C2CD3: variants seen among roughly 807,000 people sequenced by gnomAD.
C2CD3 encodes the protein C2 domain containing 3 centriole elongation regulator, also known as C2 domain-containing protein 3.
Under a neutral mutation model 234.0 loss-of-function variants are expected in C2CD3, and 148 were observed. The ratio of observed to expected loss-of-function variants is 0.63; its 90% CI spans 0.55 to 0.72. The LOEUF is 0.72. Among genes scored for constraint, C2CD3 ranks in the 30% least tolerant of loss-of-function variants. The probability of loss-of-function intolerance (pLI) is 0.00; values close to 1 mark genes in which losing one functional copy is unlikely to be tolerated. For synonymous variants in C2CD3, 1,000 were observed against 1,035.4 expected (o/e 0.97, Z 0.66); for missense variants, 2,577 against 2,811.5 (o/e 0.92, Z 1.89).
chr11:74,155,490 T>C (rs2135562537), intron 3 of C2CD3, among the ~76,000 whole-genome samples: 1 of 152,152 alleles, frequency 6.6e-6, no homozygotes, highest in South Asian at 2.1e-4. Context: ...AGTCAAAAAG[T>C]CAAAACAATC....
At chr11:74,051,942 G>A (rs1252153084) in intron 26 of C2CD3, among the ~76,000 whole-genome samples, 1 of 152,086 alleles carries the variant, frequency 6.6e-6, no homozygotes, top group Non-Finnish European at 1.5e-5. Flanking sequence ...TACTAGATGT[G>A]TTGAGTTTGT....
chr11:74,013,198 T>C lies in C2CD3; in HGVS notation c.*187A>G. On this transcript the variant is annotated 3_prime_UTR_variant, in exon 33 of 33. Transcript: ENST00000334126. ...AGCTGAAATTCTGGCAAGTGGACAC[T>C]GGACTGGTTTGGGGCACTCCTCCAG... 2.6e-6 allele frequency: 1 copy of C among 377,542 alleles called. No homozygotes were observed. Among genetic ancestry groups the C allele is most frequent in the Non-Finnish European group, 4.7e-6 (1 of 213,394 alleles). 23.4% of individuals were successfully genotyped at this position (377,542 alleles called of 1,614,324 possible). A position where few individuals can be genotyped will look rare whatever the true frequency, so the allele number is the denominator to read the frequency against.
intron 13 of C2CD3, among the ~76,000 whole-genome samples, chr11:74,105,427 C>T (rs965821402): frequency 6.6e-6 from 1 of 152,092 alleles, no homozygotes; most frequent in African/African-American, 2.4e-5. Context: ...TGTGCCACCA[C>T]TCCTGGCTAA....
intron 22 of C2CD3, 98 bp from the exon 23 acceptor site, chr11:74,078,815 C>G: frequency 8.9e-7 from 1 of 1,129,510 alleles, no homozygotes; most frequent in East Asian, 2.6e-5. Context: ...CATCCTGGCT[C>G]AAGACAGAAC....
At chr11:74,098,313 T>G in intron 15 of C2CD3, 58 bp from the exon 16 acceptor site, 1 of 1,534,316 alleles carries the variant, frequency 6.5e-7, no homozygotes, top group Non-Finnish European at 8.9e-7. Context: ...GTCATAGAGT[T>G]ATTTCTTTCT....
chr11:74,021,834 T>C (rs1310984479), intron 32 of C2CD3, among the ~76,000 whole-genome samples: 3 of 152,038 alleles, frequency 2.0e-5, no homozygotes, highest in Non-Finnish European at 4.4e-5. Context: ...TGGTTAGAAA[T>C]AGTCGGGGGG....
chr11:74,082,470 G>C (rs553989907), intron 22 of C2CD3, among the ~76,000 whole-genome samples: 47 of 152,202 alleles, frequency 3.1e-4, no homozygotes, highest in Non-Finnish European at 5.6e-4. Flanking sequence ...TCCATCAATA[G>C]TTTATTGAGA....
rs771308257 is a variant in C2CD3, at chr11:74,139,613, G to A, written c.699C>T (p.Thr233=). 34 of 1,609,348 alleles carry A rather than the reference G, an allele frequency of 2.1e-5. No individual in the cohort carries two copies. The highest frequency in any genetic ancestry group is 2.7e-5 in the Non-Finnish European group (32 of 1,175,780). Residue 233 remains threonine, a synonymous_variant, in exon 4 of 33, where the codon ACC becomes ACT. Coordinates refer to ENST00000334126, the MANE Select transcript of C2CD3 (RefSeq NM_001286577.2). ...TTAGGTATGGTAATTACCTCGGAGT[G>A]GTTGATCTACTGCTGTTGGCTGCTA... is the stretch of plus-strand genomic sequence containing the variant. ...KELAANSSRS[T]TPRGKDHVCF...
At chr11:74,156,994 C>T (rs368409647) in intron 3 of C2CD3, among the ~76,000 whole-genome samples, 10 of 152,112 alleles carry the variant, frequency 6.6e-5, no homozygotes, top group African/African-American at 2.2e-4. Context: ...AGAAAACCCA[C>T]CTTACCTAGA....
intron 32 of C2CD3, among the ~76,000 whole-genome samples, chr11:74,024,108 T>C (rs1465640630): frequency 6.6e-6 from 1 of 152,170 alleles, no homozygotes; most frequent in Non-Finnish European, 1.5e-5. Flanking sequence ...CTATGAACAC[T>C]GTAATCAAAC....
rs770414250 is a variant in C2CD3 at position 74,168,449 on chromosome 11, G to T, written c.220C>A (p.Leu74Ile). ...RWWGETSDGTLFCPRDALQTE... is the reference protein window; with the variant it reads ...RWWGETSDGTIFCPRDALQTE... ...TGCAATGCATCCCTGGGACAAAAGA[G>T]GGTTCCATCTGATGTTTCTCCCCAC... Residue 74 changes from leucine to isoleucine, a missense_variant, in exon 2 of 33, where the codon CTC becomes ATC. Coordinates refer to ENST00000334126, the MANE Select transcript of C2CD3 (RefSeq NM_001286577.2). 8.1e-6 allele frequency: 13 copies of T among 1,614,146 alleles called. No homozygotes were observed. The highest frequency in any genetic ancestry group is 1.1e-5 in the Non-Finnish European group (13 of 1,179,972).
At chr11:74,111,919 TACACACACACAC>T (rs61499954) in intron 11 of C2CD3, among the ~76,000 whole-genome samples, 4,702 of 125,134 alleles carry the variant, frequency 0.038, 108 homozygotes, top group African/African-American at 0.05. Context: ...TATTTGCTGA[TACACACACACAC>T]ACACACACAC....
Position 74,052,661 on chromosome 11 carries a change from C to T in C2CD3, c.5155+1946G>A, listed in dbSNP as rs958146154. Among the ~76,000 whole-genome samples the T allele has an allele frequency of 8.5e-5, 13 of 152,108 alleles. No individual in the cohort carries two copies. The East Asian group carries it at 1.5e-3, about 18-fold the overall frequency. ...TTCCTTGTGTTGATTCAGAGAAAAG[C>T]GAGTTATGATCAGCTCTTGCTGTAT... On this transcript the variant is annotated intron_variant, in intron 26 of 32. Coordinates refer to ENST00000334126, the MANE Select transcript of C2CD3 (RefSeq NM_001286577.2).
At chr11:74,144,023 C>A (rs1005075301) in intron 3 of C2CD3, among the ~76,000 whole-genome samples, 12 of 152,092 alleles carry the variant, frequency 7.9e-5, no homozygotes, top group Non-Finnish European at 1.6e-4. Context: ...GAGTTGTTCA[C>A]AGTATTTCCT....
At chr11:74,144,573 G>C (rs776149196) in intron 3 of C2CD3, among the ~76,000 whole-genome samples, 11 of 152,148 alleles carry the variant, frequency 7.2e-5, no homozygotes, top group Non-Finnish European at 1.5e-4. Context: ...GTACCCGACA[G>C]GTTTTTTGTT....
intron 30 of C2CD3, among the ~76,000 whole-genome samples, chr11:74,035,193 AT>A (rs1952678607): frequency 6.6e-6 from 1 of 152,236 alleles, no homozygotes; most frequent in Non-Finnish European, 1.5e-5. Flanking sequence ...GTTTAATATT[AT>A]ACACTGATGA....
intron 30 of C2CD3, among the ~76,000 whole-genome samples, chr11:74,034,914 A>G (rs974963310): frequency 1.3e-5 from 2 of 152,256 alleles, no homozygotes; most frequent in Admixed American, 6.5e-5. Flanking sequence ...ATAAGGTTAC[A>G]GTAGAGAATA....
chr11:74,132,882 T>C lies in C2CD3; in HGVS notation c.1179A>G (p.Thr393=), dbSNP rs1957722095. ...GCTGTATAGCTCTGGTATCAGCTTTTGTGTCATGTCTCCAAAATGTATTCT... is the reference window on the plus strand; with the variant it reads ...GCTGTATAGCTCTGGTATCAGCTTTCGTGTCATGTCTCCAAAATGTATTCT... The part of the protein sequence containing the change: ...STENTFWRHD[T]KADTRAIQLL... The change falls in exon 7 of 33, where the codon ACA becomes ACG. Residue 393 remains threonine (T), a synonymous_variant. Transcript: ENST00000334126. 1 of 1,614,000 alleles carries C rather than the reference T, an allele frequency of 6.2e-7. No individual in the cohort carries two copies. Among genetic ancestry groups the C allele is most frequent in the Non-Finnish European group, 8.5e-7 (1 of 1,179,912 alleles).
rs202108049 is a variant in C2CD3 at position 74,074,514 on chromosome 11, G to A, written c.4690C>T (p.His1564Tyr). Residue 1564 changes from histidine (H) to tyrosine (Y), a missense_variant, in exon 24 of 33, where the codon CAC becomes TAC. By Grantham distance (83) the His-to-Tyr change is moderately conservative (BLOSUM62 2). Coordinates refer to ENST00000334126, the MANE Select transcript of C2CD3 (RefSeq NM_001286577.2). ...TCCAGCTCATGAGTGGGCTCAAGGT[G>A]TGAGGAAAGAGAGGAAAGAACCACA... ...VHVVLSSLSS[H>Y]LEPTHELDSM... 5.6e-5 allele frequency: 91 copies of A among 1,614,194 alleles called. No homozygotes were observed. The highest frequency in any genetic ancestry group is 6.9e-5 in the Non-Finnish European group (81 of 1,180,012).
Sources: gnomAD v4.1 joint callset for allele counts (sites outside exome capture counted in the v4.1 genomes callset) on GRCh38, gnomAD v4.1.1 for gene constraint, MANE v1.5 for transcripts, NCBI Gene and HGNC (gene_info 2026-07-23, HGNC 2026-07-21) for gene names.